The following LMNTD1 variants were observed in gnomAD, a reference collection of about 807,000 sequenced individuals.
LMNTD1 encodes lamin tail domain-containing protein 1.
LMNTD1 carries 35 observed loss-of-function variants against 50.9 expected under a neutral mutation model. The observed-to-expected ratio is 0.69, with a 90% CI of 0.53 to 0.91. LMNTD1 has a LOEUF of 0.91. LMNTD1 is among the 40% of genes least tolerant of loss of function. The probability of loss-of-function intolerance (pLI) is 0.00; values close to 1 mark genes in which losing one functional copy is unlikely to be tolerated. For missense variants in LMNTD1, 470 were observed against 475.5 expected (o/e 0.99, Z 0.11); for synonymous variants, 153 against 161.9 (o/e 0.94, Z 0.42).
intron 6 of LMNTD1, among the ~76,000 whole-genome samples, chr12:25,522,364 A>G (rs1941379936): frequency 6.6e-6 from 1 of 152,136 alleles, no homozygotes; most frequent in African/African-American, 2.4e-5. Context: ...TATTGTAGGA[A>G]CTTGAGAGAA....
At chr12:25,637,620 A>G (rs930795030) in intron 1 of LMNTD1, among the ~76,000 whole-genome samples, 1 of 146,786 alleles carries the variant, frequency 6.8e-6, no homozygotes, top group Non-Finnish European at 1.5e-5. Context: ...GTGGGACACC[A>G]TTAAGCACAC....
chr12:25,535,219 TC>T (rs1942500154), intron 4 of LMNTD1, among the ~76,000 whole-genome samples: 1 of 152,050 alleles, frequency 6.6e-6, no homozygotes. Context: ...GGTGAAAAGA[TC>T]AGTGAACATG....
intron 6 of LMNTD1, 143 bp downstream of exon 6, chr12:25,525,956 A>C: frequency 2.1e-6 from 1 of 474,180 alleles, no homozygotes; most frequent in Non-Finnish European, 3.4e-6. Context: ...ACAATAAAAT[A>C]ATCTTTTAGG....
chr12:25,486,791 A>C (rs1040864470), intron 9 of LMNTD1, among the ~76,000 whole-genome samples: 15 of 150,374 alleles, frequency 1.0e-4, no homozygotes, highest in Non-Finnish European at 1.3e-4. Flanking sequence ...GGCTCTGTTT[A>C]TATGCTGGAT....
At chr12:25,527,260 A>G (rs973667461) in intron 4 of LMNTD1, among the ~76,000 whole-genome samples, 2 of 152,094 alleles carry the variant, frequency 1.3e-5, no homozygotes, top group African/African-American at 2.4e-5. Context: ...TAAATTTCCT[A>G]CTGTTCAAGA....
chr12:25,547,637 A>C (rs539556639), intron 3 of LMNTD1, among the ~76,000 whole-genome samples: 2 of 150,932 alleles, frequency 1.3e-5, no homozygotes, highest in Admixed American at 6.6e-5. Context: ...TTTTGCTGAG[A>C]AAAAAAAAGC....
intron 8 of LMNTD1, among the ~76,000 whole-genome samples, chr12:25,514,557 TA>T (rs1352487344): frequency 4.6e-5 from 1 of 21,834 alleles, no homozygotes; most frequent in Non-Finnish European, 2.8e-4. Flanking sequence ...GGTTAATGGA[TA>T]CAAAAAAAAA....
chr12:25,569,046 C>A (rs1044086159), intron 1 of LMNTD1, among the ~76,000 whole-genome samples: 10 of 152,364 alleles, frequency 6.6e-5, no homozygotes, highest in African/African-American at 2.2e-4. Context: ...GCCCTCTAGA[C>A]CCCAGAATGG....
intron 1 of LMNTD1, among the ~76,000 whole-genome samples, chr12:25,616,152 A>G (rs553556858): frequency 2.0e-4 from 31 of 152,260 alleles, no homozygotes; most frequent in African/African-American, 7.5e-4. Context: ...TATGAAGTAA[A>G]TCAATAAAGC....
In LMNTD1 at chr12:25,585,562, G is replaced by A. The variant is rs114079373; in HGVS notation, c.59-39008C>T. ...AGGAAAAGTAATCCTTTTCCCCCCA[G>A]GTAAAATCTTTTAAAGTAATTTTGA... On this transcript the variant is annotated intron_variant, in intron 1 of 7. Transcript: ENST00000445693. Among the ~76,000 whole-genome samples the A allele has an allele frequency of 4.5e-3, 678 of 152,222 alleles. 5 individuals are homozygous for A. The highest frequency in any genetic ancestry group is 0.015 in the African/African-American group (612 of 41,530).
intron 1 of LMNTD1, among the ~76,000 whole-genome samples, chr12:25,634,831 A>G (rs183617372): frequency 6.6e-6 from 1 of 152,346 alleles, no homozygotes; most frequent in South Asian, 2.1e-4. Flanking sequence ...AGAAAGAGAA[A>G]AAAAGAGCAT....
At chr12:25,543,769 A>C (rs1943254674) in intron 4 of LMNTD1, among the ~76,000 whole-genome samples, 1 of 150,964 alleles carries the variant, frequency 6.6e-6, no homozygotes. Flanking sequence ...TGTCCCAGAG[A>C]TTTTGGTATG....
At chr12:25,535,455 T>C (rs996653690) in intron 4 of LMNTD1, among the ~76,000 whole-genome samples, 2 of 151,986 alleles carry the variant, frequency 1.3e-5, no homozygotes, top group Non-Finnish European at 2.9e-5. Flanking sequence ...TATATAAATA[T>C]GCTAATCAAA....
intron 4 of LMNTD1, among the ~76,000 whole-genome samples, chr12:25,531,972 A>G (rs1338658204): frequency 6.6e-6 from 1 of 152,096 alleles, no homozygotes; most frequent in Non-Finnish European, 1.5e-5. Context: ...GAACTTGTTT[A>G]TGATTCTTTT....
chr12:25,619,616 G>T (rs1946431506), intron 1 of LMNTD1, among the ~76,000 whole-genome samples: 1 of 152,180 alleles, frequency 6.6e-6, no homozygotes, highest in African/African-American at 2.4e-5. Context: ...TGGTAGGCAG[G>T]CTGTGATCCA....
intron 1 of LMNTD1, among the ~76,000 whole-genome samples, chr12:25,570,261 GC>G (rs1802097238): frequency 6.6e-6 from 1 of 152,136 alleles, no homozygotes. Context: ...TAAATATAGT[GC>G]ATGACAGAAT....
At chr12:25,523,556 G>A (rs1941496136) in intron 6 of LMNTD1, among the ~76,000 whole-genome samples, 2 of 152,146 alleles carry the variant, frequency 1.3e-5, no homozygotes, top group Non-Finnish European at 2.9e-5. Flanking sequence ...TTGAGTTCGT[G>A]TTTCAGCATG....
chr12:25,549,034 T>C lies in LMNTD1; in HGVS notation c.310+292A>G, dbSNP rs150030027. Among the ~76,000 whole-genome samples, 255 of 152,124 alleles carry C rather than the reference T, an allele frequency of 1.7e-3. 2 individuals carry two copies. The East Asian group carries it at 0.026, about 15-fold the overall frequency. ...CTATACATTGGAATTTTTAATTCTC[T>C]AGCAATTCTAATGTATGTTAGCGGT... On this transcript the variant is annotated intron_variant, in intron 3 of 9. Transcript: ENST00000458174.
intron 1 of LMNTD1, among the ~76,000 whole-genome samples, chr12:25,629,882 C>T (rs895884963): frequency 2.0e-5 from 3 of 152,006 alleles, no homozygotes; most frequent in African/African-American, 7.2e-5. Flanking sequence ...AAAACTCACC[C>T]CAAAGAGATC....
Sources: gnomAD v4.1 joint callset for allele counts (sites outside exome capture counted in the v4.1 genomes callset) on GRCh38, gnomAD v4.1.1 for gene constraint, MANE v1.5 for transcripts, NCBI Gene and HGNC (gene_info 2026-07-23, HGNC 2026-07-21) for gene names.